The following SP4 variants were observed in gnomAD, a reference collection of about 807,000 sequenced individuals.
SP4 encodes the protein Sp4 transcription factor.
A neutral mutation model predicts 72.8 loss-of-function variants in SP4; 19 were observed. The observed-to-expected ratio is 0.26, with a 90% CI of 0.18 to 0.38. SP4 has a LOEUF of 0.38. Ranked by LOEUF, SP4 falls within the 10% of genes least tolerant of loss-of-function variation. The pLI, the probability that SP4 is intolerant of heterozygous loss-of-function variation, is 1.00. For synonymous variants in SP4, 395 were observed against 333.1 expected, an observed-to-expected ratio of 1.19 and a Z score of -2.02; for missense variants, 1,008 against 926.3, an observed-to-expected ratio of 1.09 and a Z score of -1.14.
intron 3 of SP4, among the ~76,000 whole-genome samples, chr7:21,462,258 C>T (rs1466139755): frequency 6.6e-6 from 1 of 151,548 alleles, no homozygotes; most frequent in Non-Finnish European, 1.5e-5. Flanking sequence ...TTTTAACAGA[C>T]GTAGGAGAAA....
intron 3 of SP4, among the ~76,000 whole-genome samples, chr7:21,470,417 C>T (rs1306792994): frequency 6.6e-6 from 1 of 152,158 alleles, no homozygotes; most frequent in East Asian, 1.9e-4. Context: ...CTTGAGATCC[C>T]TTAGGGAGCT....
rs767318543 is a variant in SP4 at position 21,428,276 on chromosome 7, C to T, written c.7+18C>T. ...GATGAGCGGTACGTATTCTCCACCC[C>T]CCTCAGTCTCCTTCGCCGCCTCCCT... On this transcript the variant is annotated intron_variant, in intron 1 of 5. Coordinates refer to ENST00000222584, the MANE Select transcript of SP4 (RefSeq NM_003112.5). 1.1e-5 allele frequency: 16 copies of T among 1,458,524 alleles called. No homozygotes were observed. Among genetic ancestry groups the T allele is most frequent in the Admixed American group, 2.0e-5 (1 of 50,964 alleles). 90.3% of individuals were successfully genotyped at this position (1,458,524 alleles called of 1,614,324 possible). A position where few individuals can be genotyped will look rare whatever the true frequency, so the allele number is the denominator to read the frequency against.
At chr7:21,473,533 T>C (rs923984812) in intron 3 of SP4, among the ~76,000 whole-genome samples, 1 of 152,232 alleles carries the variant, frequency 6.6e-6, no homozygotes, top group Middle Eastern at 3.4e-3. Context: ...CCTTCAGAAG[T>C]GAGGTGAAGA....
At chr7:21,488,835 G>A (rs1784895090) in intron 5 of SP4, among the ~76,000 whole-genome samples, 1 of 151,740 alleles carries the variant, frequency 6.6e-6, no homozygotes, top group South Asian at 2.1e-4. Context: ...CTATAATAAC[G>A]ATGTCATATA....
At chr7:21,439,394 T>TA (rs1783158381) in intron 3 of SP4, among the ~76,000 whole-genome samples, 1 of 152,188 alleles carries the variant, frequency 6.6e-6, no homozygotes, top group Admixed American at 6.5e-5. Context: ...GTTACATCGA[T>TA]ATGTTGTATA....
In SP4 at chr7:21,449,586, T is replaced by C. The variant is rs368907575; in HGVS notation, c.1678+18743T>C. Among the ~76,000 whole-genome samples the C allele has an allele frequency of 3.3e-5, 5 of 152,240 alleles. No homozygotes were observed. The East Asian group carries it at 7.7e-4, about 23-fold the overall frequency. On this transcript the variant is annotated intron_variant, in intron 3 of 5. Coordinates refer to ENST00000222584, the MANE Select transcript of SP4 (RefSeq NM_003112.5). ...GTTTAAGTATACGTGTGTGTATATA[T>C]ACATGCATATGTATAATGTATGTGT...
At chr7:21,509,401 T>C (rs1782088010) in intron 5 of SP4, among the ~76,000 whole-genome samples, 1 of 152,156 alleles carries the variant, frequency 6.6e-6, no homozygotes, top group African/African-American at 2.4e-5. Flanking sequence ...TATTCTCTCT[T>C]TTATAGTTTC....
At chr7:21,439,654 C>G (rs1783172608) in intron 3 of SP4, among the ~76,000 whole-genome samples, 2 of 152,034 alleles carry the variant, frequency 1.3e-5, no homozygotes, top group South Asian at 4.1e-4. Flanking sequence ...CTTTGGAAGG[C>G]TGAGGGAGGA....
At chr7:21,501,633 A>G (rs1251979981) in intron 5 of SP4, among the ~76,000 whole-genome samples, 1 of 152,066 alleles carries the variant, frequency 6.6e-6, no homozygotes, top group South Asian at 2.1e-4. Context: ...ATGTCTTTCC[A>G]TTTTCCAAAC....
intron 5 of SP4, among the ~76,000 whole-genome samples, chr7:21,490,391 G>A (rs1176660850): frequency 2.0e-5 from 3 of 152,124 alleles, no homozygotes; most frequent in African/African-American, 4.8e-5. Flanking sequence ...TAGCAGCTTA[G>A]GCACCAAAAA....
chr7:21,435,994 G>A (rs981919946), intron 3 of SP4, among the ~76,000 whole-genome samples: 2 of 152,096 alleles, frequency 1.3e-5, no homozygotes, highest in African/African-American at 4.8e-5. Context: ...CACCTCCTGG[G>A]TTCAAGTGAT....
chr7:21,429,263 C>G (rs759354571), intron 2 of SP4, 26 bp from the exon 3 acceptor site: 6 of 1,203,160 alleles, frequency 5.0e-6, no homozygotes, highest in Admixed American at 4.1e-5. Context: ...CCCCCCCCCT[C>G]TCCTTTACCG....
chr7:21,495,576 C>T (rs1388263182), intron 5 of SP4, among the ~76,000 whole-genome samples: 1 of 152,012 alleles, frequency 6.6e-6, no homozygotes, highest in Non-Finnish European at 1.5e-5. Context: ...AAATCAAAAG[C>T]AAGAACCATG....
At chr7:21,477,915 G>A (rs919903112) in intron 4 of SP4, among the ~76,000 whole-genome samples, 12 of 152,066 alleles carry the variant, frequency 7.9e-5, no homozygotes, top group Admixed American at 7.2e-4. Flanking sequence ...TACAGTTCAC[G>A]AATTTAAAGT....
intron 3 of SP4, among the ~76,000 whole-genome samples, chr7:21,435,203 G>T (rs564503892): frequency 6.6e-6 from 1 of 152,106 alleles, no homozygotes; most frequent in Non-Finnish European, 1.5e-5. Flanking sequence ...GTCAATTTTA[G>T]TGGAAATTAA....
At position 21,443,704 on chromosome 7, in the gene SP4, G is replaced by T. The variant is rs141155516; in HGVS notation, c.1678+12861G>T. On this transcript the variant is annotated intron_variant, in intron 3 of 5. Coordinates refer to ENST00000222584, the MANE Select transcript of SP4 (RefSeq NM_003112.5). ...GAAAGGGGTGGAAAATCCTTGCTCT[G>T]GTCTAGTTGGGGATATCTATGCCAG... Among the ~76,000 whole-genome samples, 18 of 152,250 alleles carry T rather than the reference G, an allele frequency of 1.2e-4. No individual in the cohort carries two copies. The East Asian group carries it at 3.3e-3, about 28-fold the overall frequency.
chr7:21,496,443 A>C (rs866412744), intron 5 of SP4, among the ~76,000 whole-genome samples: 36 of 152,318 alleles, frequency 2.4e-4, no homozygotes, highest in Admixed American at 1.1e-3. Flanking sequence ...TTTAGAGCCA[A>C]AGGGACTCCT....
At chr7:21,475,166 G>T (rs1201124683) in intron 3 of SP4, among the ~76,000 whole-genome samples, 1 of 151,134 alleles carries the variant, frequency 6.6e-6, no homozygotes, top group Non-Finnish European at 1.5e-5. Flanking sequence ...CCAGGCTGGA[G>T]TGCAGTGGCA....
intron 5 of SP4, among the ~76,000 whole-genome samples, chr7:21,484,029 A>G (rs1053423371): frequency 2.6e-5 from 4 of 151,932 alleles, no homozygotes; most frequent in African/African-American, 9.7e-5. Context: ...TTCTAACAAC[A>G]GCAACACCGG....
Sources: allele counts gnomAD v4.1 joint callset (sites outside exome capture counted in the v4.1 genomes callset), GRCh38; gene constraint gnomAD v4.1.1; transcripts MANE v1.5; gene names NCBI Gene and HGNC (gene_info 2026-07-23, HGNC 2026-07-21).